PCDH15: variants seen among roughly 807,000 people sequenced by gnomAD.
The protein encoded by PCDH15 is protocadherin-15.
In PCDH15, 129 loss-of-function variants were observed where a neutral mutation model predicts 178.5. That is an observed-to-expected ratio of 0.72 (90% CI 0.63 to 0.84). The LOEUF (loss-of-function observed/expected upper bound fraction) is 0.84, where lower values mean the gene tolerates loss of function less well. Ranked by LOEUF, PCDH15 falls within the 40% of genes least tolerant of loss-of-function variation. The pLI is 0.00. For synonymous variants in PCDH15, 800 were observed against 732.0 expected (o/e 1.09, Z -1.50); for missense variants, 2,230 against 2,099.9 (o/e 1.06, Z -1.21).
chr10:53,900,255 CTCTCTCCCCTCTT>C lies in PCDH15; in HGVS notation c.3501+2975_3501+2987del, dbSNP rs1564721885. On this transcript the variant is annotated intron_variant, in intron 26 of 37. Coordinates refer to ENST00000644397, the MANE Select transcript of PCDH15 (RefSeq NM_001384140.1). ...TCTCCCCCCCTCTCTCTGTCTGTCT[CTCTCTCCCCTCTT>C]TCTCTCACTATTGTATAAAGTACCT... Among the ~76,000 whole-genome samples the C allele has an allele frequency of 2.0e-5, 3 of 151,244 alleles. No homozygotes were observed. The South Asian group carries it at 6.3e-4, about 32-fold the overall frequency.
intron 2 of PCDH15, among the ~76,000 whole-genome samples, chr10:55,419,155 C>T (rs1284808683): frequency 6.6e-6 from 1 of 151,606 alleles, no homozygotes; most frequent in Non-Finnish European, 1.5e-5. Context: ...GGCATGTGAA[C>T]AAATGTGAGA....
At chr10:54,747,866 C>T (rs1010578121) in intron 1 of PCDH15, among the ~76,000 whole-genome samples, 1 of 142,414 alleles carries the variant, frequency 7.0e-6, no homozygotes, top group African/African-American at 2.7e-5. Context: ...AGTGCAGTGG[C>T]GTGATCTCCG....
At chr10:55,393,310 G>A (rs749748124) in intron 2 of PCDH15, among the ~76,000 whole-genome samples, 15 of 152,170 alleles carry the variant, frequency 9.9e-5, no homozygotes, top group South Asian at 2.1e-4. Flanking sequence ...CAAATGCCCT[G>A]GTAATAACAT....
chr10:54,664,434 T>C (rs2094538921), intron 1 of PCDH15, 144 bp from the exon 2 acceptor site: 1 of 641,140 alleles, frequency 1.6e-6, no homozygotes, highest in Non-Finnish European at 2.8e-6. Flanking sequence ...AGTAACACAC[T>C]GGTTTAATGC....
chr10:54,752,476 C>CAAAAAA (rs755874514), intron 1 of PCDH15, among the ~76,000 whole-genome samples: 30 of 89,762 alleles, frequency 3.3e-4, no homozygotes, highest in Non-Finnish European at 4.2e-4. Context: ...GACTCCGTCT[C>CAAAAAA]AAAAAAAAAA....
intron 10 of PCDH15, among the ~76,000 whole-genome samples, chr10:54,209,285 C>T (rs550591008): frequency 2.4e-4 from 37 of 151,988 alleles, no homozygotes; most frequent in African/African-American, 8.4e-4. Context: ...GTTGTTTTAG[C>T]GATACTCTGT....
At chr10:54,570,867 C>T (rs1366867881) in intron 2 of PCDH15, among the ~76,000 whole-genome samples, 1 of 148,690 alleles carries the variant, frequency 6.7e-6, no homozygotes, top group Non-Finnish European at 1.5e-5. Flanking sequence ...GGAGTTTCAC[C>T]CTGTTGCTCA....
chr10:55,584,441 G>T (rs978465842), intron 2 of PCDH15, among the ~76,000 whole-genome samples: 4 of 151,490 alleles, frequency 2.6e-5, no homozygotes. Context: ...GGCAGATCAC[G>T]AGGTCAAGAG....
At chr10:54,116,834 T>C (rs1021429916) in intron 15 of PCDH15, among the ~76,000 whole-genome samples, 1 of 152,216 alleles carries the variant, frequency 6.6e-6, no homozygotes, top group African/African-American at 2.4e-5. Flanking sequence ...ACAGTTAAAA[T>C]GGCTTTCATT....
At chr10:54,623,117 T>C (rs140350437) in intron 2 of PCDH15, among the ~76,000 whole-genome samples, 8 of 152,082 alleles carry the variant, frequency 5.3e-5, no homozygotes, top group African/African-American at 1.9e-4. Flanking sequence ...GACTTTCCAT[T>C]TGTCTATTCA....
At chr10:54,698,102 G>C (rs2095260324) in intron 1 of PCDH15, among the ~76,000 whole-genome samples, 1 of 152,038 alleles carries the variant, frequency 6.6e-6, no homozygotes, top group African/African-American at 2.4e-5. Context: ...ATTCAATGCA[G>C]TTACAGCCAC....
At chr10:54,111,434 AAAC>A (rs1449428021) in intron 15 of PCDH15, among the ~76,000 whole-genome samples, 1 of 152,156 alleles carries the variant, frequency 6.6e-6, no homozygotes, top group African/African-American at 2.4e-5. Flanking sequence ...AATAACCAAG[AAAC>A]AACAAAAATT....
intron 2 of PCDH15, among the ~76,000 whole-genome samples, chr10:55,002,971 A>T (rs1219744319): frequency 6.6e-6 from 1 of 152,204 alleles, no homozygotes; most frequent in East Asian, 1.9e-4. Flanking sequence ...AACTAATTTC[A>T]AATGTGAGGT....
chr10:55,625,105 T>C (rs1837496322), intron 2 of PCDH15, among the ~76,000 whole-genome samples: 1 of 152,148 alleles, frequency 6.6e-6, no homozygotes. Context: ...AAAGCTATCA[T>C]CTAACCAAAG....
intron 13 of PCDH15, among the ~76,000 whole-genome samples, chr10:54,156,550 T>G (rs1054423432): frequency 6.6e-6 from 1 of 152,176 alleles, no homozygotes; most frequent in African/African-American, 2.4e-5. Flanking sequence ...ATGATTCAAT[T>G]ACCTCCCACT....
chr10:54,106,914 C>T (rs1178124962), intron 15 of PCDH15, among the ~76,000 whole-genome samples: 1 of 152,090 alleles, frequency 6.6e-6, no homozygotes, highest in Non-Finnish European at 1.5e-5. Context: ...TTGTCAAATA[C>T]ACATATAATC....
chr10:55,071,121 C>T (rs966303133), intron 2 of PCDH15, among the ~76,000 whole-genome samples: 3 of 152,266 alleles, frequency 2.0e-5, no homozygotes, highest in South Asian at 2.1e-4. Flanking sequence ...AAAGGAACAA[C>T]CAGTACCAGC....
Position 54,311,038 on chromosome 10 carries a change from G to A in PCDH15, c.876+6233C>T, listed in dbSNP as rs562338619. 2.2e-4 allele frequency among the ~76,000 whole-genome samples: 33 copies of A among 152,174 alleles called. No homozygotes were observed. The East Asian group carries it at 6.0e-3, about 28-fold the overall frequency. On this transcript the variant is annotated intron_variant, in intron 8 of 37. Coordinates refer to ENST00000644397, the MANE Select transcript of PCDH15 (RefSeq NM_001384140.1). ...GATAACTGAGAAAGCTTCCCCGGAG[G>A]GAGAGGGTTTCATAGATAAACCAGA...
At chr10:54,832,534 G>T (rs1022013105) in intron 3 of PCDH15, among the ~76,000 whole-genome samples, 1 of 152,028 alleles carries the variant, frequency 6.6e-6, no homozygotes, top group Non-Finnish European at 1.5e-5. Flanking sequence ...CCATGCCCAC[G>T]TGCATACCAT....
Sources: allele counts gnomAD v4.1 joint callset (sites outside exome capture counted in the v4.1 genomes callset), GRCh38; gene constraint gnomAD v4.1.1; transcripts MANE v1.5; gene names NCBI Gene and HGNC (gene_info 2026-07-23, HGNC 2026-07-21).